The following LYPD6 variants were observed in gnomAD, a reference collection of about 807,000 sequenced individuals.
LYPD6 encodes LY6/PLAUR domain containing 6.
Under a neutral mutation model 22.7 loss-of-function variants are expected in LYPD6, and 15 were observed. The ratio of observed to expected loss-of-function variants is 0.66; its 90% CI spans 0.44 to 1.02. The LOEUF (loss-of-function observed/expected upper bound fraction) is 1.02, where lower values mean the gene tolerates loss of function less well. LYPD6 is among the 50% of genes least tolerant of loss of function. The pLI, the probability that LYPD6 is intolerant of heterozygous loss-of-function variation, is 0.00. For synonymous variants in LYPD6, 72 were observed against 77.5 expected, an observed-to-expected ratio of 0.93 and a Z score of 0.37; for missense variants, 189 against 208.4, an observed-to-expected ratio of 0.91 and a Z score of 0.57.
At chr2:149,466,368 T>C (rs1051753790) in intron 3 of LYPD6, among the ~76,000 whole-genome samples, 4 of 152,196 alleles carry the variant, frequency 2.6e-5, no homozygotes, top group African/African-American at 9.7e-5. Context: ...TTTGAAGGAT[T>C]GATGCTTCAG....
chr2:149,420,380 G>C (rs1683052049), intron 1 of LYPD6, among the ~76,000 whole-genome samples: 2 of 152,170 alleles, frequency 1.3e-5, no homozygotes, highest in Non-Finnish European at 2.9e-5. Context: ...GTCTGTGTGT[G>C]TTTCATTTCT....
In LYPD6 at chr2:149,443,480, G is replaced by C. The variant is rs569192596; in HGVS notation, c.119-5569G>C. 1.6e-4 allele frequency among the ~76,000 whole-genome samples: 24 copies of C among 152,214 alleles called. No individual in the cohort carries two copies. The South Asian group carries it at 5.0e-3, about 32-fold the overall frequency. ...ACTTTTTTGAGAAATGCTGTTCTCT[G>C]ACAAATGCTTTGTATCTTTTTTTTT... On this transcript the variant is annotated intron_variant, in intron 2 of 4. Coordinates refer to ENST00000334166, the MANE Select transcript of LYPD6 (RefSeq NM_194317.5).
At chr2:149,403,132 G>A (rs1393364327) in intron 1 of LYPD6, among the ~76,000 whole-genome samples, 1 of 152,000 alleles carries the variant, frequency 6.6e-6, no homozygotes, top group African/African-American at 2.4e-5. Flanking sequence ...GTCTATCATT[G>A]TTGGACATTT....
chr2:149,405,219 G>C (rs1320251184), intron 1 of LYPD6, among the ~76,000 whole-genome samples: 1 of 152,022 alleles, frequency 6.6e-6, no homozygotes, highest in Non-Finnish European at 1.5e-5. Flanking sequence ...TCTCTGCCAG[G>C]CTTTGGTATC....
At chr2:149,340,700 A>C (rs1045197023) in intron 1 of LYPD6, among the ~76,000 whole-genome samples, 1 of 152,222 alleles carries the variant, frequency 6.6e-6, no homozygotes, top group African/African-American at 2.4e-5. Flanking sequence ...AGGAACCAAC[A>C]TATAGTTTTT....
intron 1 of LYPD6, among the ~76,000 whole-genome samples, chr2:149,375,280 C>T (rs1178203767): frequency 6.6e-6 from 1 of 152,182 alleles, no homozygotes; most frequent in Non-Finnish European, 1.5e-5. Flanking sequence ...TTTTGATATA[C>T]AGTTGGTATC....
intron 3 of LYPD6, among the ~76,000 whole-genome samples, chr2:149,457,353 T>G (rs539522829): frequency 6.6e-6 from 1 of 152,342 alleles, no homozygotes; most frequent in Non-Finnish European, 1.5e-5. Context: ...AGATATATTC[T>G]TCCTACCCAT....
intron 1 of LYPD6, among the ~76,000 whole-genome samples, chr2:149,423,342 T>C (rs7574016): frequency 0.25 from 37,968 of 152,096 alleles, 5,429 homozygotes; most frequent in African/African-American, 0.4. Flanking sequence ...AGAAAACATT[T>C]GTGAACCTTA....
chr2:149,414,525 CAAAT>C (rs1682921167), intron 1 of LYPD6, among the ~76,000 whole-genome samples: 1 of 152,128 alleles, frequency 6.6e-6, no homozygotes, highest in South Asian at 2.1e-4. Context: ...AAAATCGCCT[CAAAT>C]AATATAAAAT....
In LYPD6 at chr2:149,468,615, C is replaced by T. The variant is rs537477510; in HGVS notation, c.218-30C>T. The T allele has an allele frequency of 3.0e-5, 48 of 1,604,190 alleles. 1 individual carries two copies. The South Asian group carries it at 5.2e-4, about 17-fold the overall frequency. ...TTTAGGCAGGTTTGGTCAACATTTC[C>T]CATCTCAAATATATTTTCTCTGTTG... On this transcript the variant is annotated intron_variant, in intron 3 of 4. Transcript: ENST00000334166.
intron 1 of LYPD6, among the ~76,000 whole-genome samples, chr2:149,336,768 A>G (rs1049569724): frequency 2.0e-5 from 3 of 152,216 alleles, no homozygotes; most frequent in East Asian, 1.9e-4. Flanking sequence ...TTATGAAAAT[A>G]AGATTTAGTA....
At chr2:149,398,316 CT>C (rs1365458121) in intron 1 of LYPD6, among the ~76,000 whole-genome samples, 1 of 151,826 alleles carries the variant, frequency 6.6e-6, no homozygotes, top group Non-Finnish European at 1.5e-5. Context: ...TGACAATTGC[CT>C]TTTCATGGGA....
At chr2:149,454,523 G>A (rs1357564978) in intron 3 of LYPD6, among the ~76,000 whole-genome samples, 1 of 152,152 alleles carries the variant, frequency 6.6e-6, no homozygotes, top group African/African-American at 2.4e-5. Context: ...CATTTGGGTT[G>A]TTTCCAGTTT....
chr2:149,408,302 A>T (rs1359783296), intron 1 of LYPD6, among the ~76,000 whole-genome samples: 1 of 152,072 alleles, frequency 6.6e-6, no homozygotes, highest in Non-Finnish European at 1.5e-5. Flanking sequence ...GTTTTTCTTT[A>T]TAGGTTACCT....
At chr2:149,402,460 C>T (rs1682581431) in intron 1 of LYPD6, among the ~76,000 whole-genome samples, 1 of 152,176 alleles carries the variant, frequency 6.6e-6, no homozygotes. Flanking sequence ...TAGGAATCTC[C>T]ACACTGTTTT....
upstream of LYPD6, chr2:149,330,482 C>T (rs1478899643): frequency 6.7e-6 from 1 of 149,254 alleles, no homozygotes; most frequent in Non-Finnish European, 1.5e-5. Flanking sequence ...TCCCGCGGCC[C>T]TCGAGGCCGG....
At chr2:149,440,693 C>CTTTT (rs764789006) in intron 2 of LYPD6, among the ~76,000 whole-genome samples, 100 of 91,090 alleles carry the variant, frequency 1.1e-3, no homozygotes, top group Non-Finnish European at 1.4e-3. Flanking sequence ...TTCTGTCCAC[C>CTTTT]TTTTTTTTTT....
chr2:149,447,061 T>G (rs532139602), intron 2 of LYPD6, among the ~76,000 whole-genome samples: 2 of 152,308 alleles, frequency 1.3e-5, no homozygotes, highest in South Asian at 4.1e-4. Flanking sequence ...GTTTGAGTGT[T>G]TGCAGCTTTC....
At chr2:149,407,241 G>A (rs1467203638) in intron 1 of LYPD6, among the ~76,000 whole-genome samples, 1 of 152,142 alleles carries the variant, frequency 6.6e-6, no homozygotes, top group Non-Finnish European at 1.5e-5. Flanking sequence ...GAGTATCTTT[G>A]TGGCGTTCTC....
Sources: allele counts gnomAD v4.1 joint callset (sites outside exome capture counted in the v4.1 genomes callset), GRCh38; gene constraint gnomAD v4.1.1; transcripts MANE v1.5; gene names NCBI Gene and HGNC (gene_info 2026-07-23, HGNC 2026-07-21).